The following RCAN2 variants were observed in gnomAD, a reference collection of about 807,000 sequenced individuals.
The protein encoded by RCAN2 is calcipressin-2.
RCAN2 carries 9 observed loss-of-function variants against 23.6 expected under a neutral mutation model. That is an observed-to-expected ratio of 0.38 (90% CI 0.23 to 0.67). The LOEUF is 0.67. Ranked by LOEUF, RCAN2 falls within the 30% of genes least tolerant of loss-of-function variation. RCAN2 has a pLI of 0.51. For synonymous variants in RCAN2, 109 were observed against 115.7 expected (o/e 0.94, Z 0.37); for missense variants, 273 against 302.3 (o/e 0.90, Z 0.72).
intron 4 of RCAN2, among the ~76,000 whole-genome samples, chr6:46,231,367 G>A (rs1016866525): frequency 4.0e-5 from 6 of 151,864 alleles, no homozygotes; most frequent in African/African-American, 9.7e-5. Flanking sequence ...CTTCCAGAAC[G>A]GTGAGTCTAT....
chr6:46,314,966 T>C (rs939225436), intron 2 of RCAN2, among the ~76,000 whole-genome samples: 2 of 152,144 alleles, frequency 1.3e-5, no homozygotes, highest in Admixed American at 6.5e-5. Context: ...GAGGCTGAGA[T>C]GGAAGCATCA....
intron 2 of RCAN2, among the ~76,000 whole-genome samples, chr6:46,309,544 G>T (rs1205385240): frequency 6.6e-6 from 1 of 152,118 alleles, no homozygotes; most frequent in African/African-American, 2.4e-5. Context: ...TTCTCCTGTG[G>T]TTCATACAAT....
intron 2 of RCAN2, among the ~76,000 whole-genome samples, chr6:46,290,590 T>C (rs1221618997): frequency 1.3e-5 from 2 of 152,144 alleles, no homozygotes; most frequent in Non-Finnish European, 2.9e-5. Context: ...ATCTTAAATA[T>C]CAGTAAATCA....
chr6:46,293,222 T>A (rs1015419616), intron 2 of RCAN2, among the ~76,000 whole-genome samples: 5 of 152,204 alleles, frequency 3.3e-5, no homozygotes, highest in Admixed American at 3.3e-4. Flanking sequence ...TGATTTATAA[T>A]CCTTTGGATA....
intron 2 of RCAN2, among the ~76,000 whole-genome samples, chr6:46,351,018 G>A (rs1486752376): frequency 1.3e-5 from 2 of 152,144 alleles, no homozygotes; most frequent in South Asian, 4.1e-4. Context: ...GGGTTGTTGG[G>A]AGGCTTAACA....
intron 2 of RCAN2, among the ~76,000 whole-genome samples, chr6:46,316,805 T>C (rs1763454681): frequency 6.6e-6 from 1 of 152,194 alleles, no homozygotes; most frequent in Non-Finnish European, 1.5e-5. Context: ...TCTTAGTCAA[T>C]ACCCAAAGGC....
intron 2 of RCAN2, among the ~76,000 whole-genome samples, chr6:46,266,777 C>T (rs988638267): frequency 2.6e-5 from 4 of 152,124 alleles, no homozygotes; most frequent in African/African-American, 9.7e-5. Context: ...TTGGAAGGGA[C>T]ACTGGAGGCG....
intron 2 of RCAN2, among the ~76,000 whole-genome samples, chr6:46,263,543 G>GTT (rs757928904): frequency 8.1e-6 from 1 of 124,010 alleles, no homozygotes; most frequent in Non-Finnish European, 1.8e-5. Context: ...GTGTGTATGT[G>GTT]TGTGTGTGTG....
At chr6:46,348,547 G>A (rs572302015) in intron 2 of RCAN2, among the ~76,000 whole-genome samples, 1 of 152,208 alleles carries the variant, frequency 6.6e-6, no homozygotes, top group East Asian at 1.9e-4. Flanking sequence ...CCTTGGTGCT[G>A]GAGCCCTGAT....
chr6:46,417,559 A>G (rs898790702), intron 2 of RCAN2, among the ~76,000 whole-genome samples: 1 of 152,182 alleles, frequency 6.6e-6, no homozygotes, highest in Non-Finnish European at 1.5e-5. Context: ...AACTGCAGGG[A>G]AAGAATCCCT....
Position 46,223,231 on chromosome 6 carries a change from G to T in RCAN2, c.642C>A (p.Asp214Glu). The T allele has an allele frequency of 6.2e-7, 1 of 1,613,998 alleles. No homozygotes were observed. The highest frequency in any genetic ancestry group is 8.5e-7 in the Non-Finnish European group (1 of 1,179,936). Reference protein sequence around the residue: ...PSVVVHVCDSDIEEEEDPKTS... With the variant: ...PSVVVHVCDSEIEEEEDPKTS... ...TCTTTGGGTCCTCTTCTTCCTCTATGTCACTGTCGCACACGTGCACGACGA... is the reference window on the plus strand; with the variant it reads ...TCTTTGGGTCCTCTTCTTCCTCTATTTCACTGTCGCACACGTGCACGACGA... Residue 214 changes from aspartate to glutamate, a missense_variant, in exon 5 of 5, where the codon GAC becomes GAA. Transcript: ENST00000371374.
intron 2 of RCAN2, among the ~76,000 whole-genome samples, chr6:46,390,290 C>T (rs1289131711): frequency 6.6e-6 from 1 of 152,114 alleles, no homozygotes; most frequent in African/African-American, 2.4e-5. Context: ...TCCAAGTTCC[C>T]CCTGACAACT....
chr6:46,386,321 G>A (rs193244206), intron 2 of RCAN2, among the ~76,000 whole-genome samples: 20 of 152,072 alleles, frequency 1.3e-4, no homozygotes, highest in Middle Eastern at 3.4e-3. Flanking sequence ...CAAGGAGGCC[G>A]GGTGCGGTGG....
At chr6:46,465,163 T>A (rs552856834) in intron 1 of RCAN2, among the ~76,000 whole-genome samples, 1 of 152,286 alleles carries the variant, frequency 6.6e-6, no homozygotes, top group South Asian at 2.1e-4. Flanking sequence ...ACAGGTTTGC[T>A]GCAAAAGAAC....
At chr6:46,422,044 C>G (rs1163573686) in intron 2 of RCAN2, among the ~76,000 whole-genome samples, 1 of 152,182 alleles carries the variant, frequency 6.6e-6, no homozygotes, top group Non-Finnish European at 1.5e-5. Flanking sequence ...GTTTGTTTGA[C>G]TCTTCCAAAT....
At chr6:46,269,511 C>T (rs1489539797) in intron 2 of RCAN2, among the ~76,000 whole-genome samples, 1 of 152,192 alleles carries the variant, frequency 6.6e-6, no homozygotes, top group East Asian at 1.9e-4. Flanking sequence ...CTCTAGGTCA[C>T]CTGTGCTCTT....
chr6:46,248,590 T>G, intron 3 of RCAN2, 133 bp downstream of exon 3: 1 of 693,672 alleles, frequency 1.4e-6, no homozygotes, highest in Non-Finnish European at 2.3e-6. Context: ...AATCATGATG[T>G]GGGTCTATTT....
intron 2 of RCAN2, among the ~76,000 whole-genome samples, chr6:46,370,274 G>A (rs1031690957): frequency 2.0e-5 from 3 of 152,086 alleles, no homozygotes; most frequent in East Asian, 1.9e-4. Flanking sequence ...TAACACCCAC[G>A]TGCATCATTC....
intron 2 of RCAN2, among the ~76,000 whole-genome samples, chr6:46,370,670 C>T (rs990234075): frequency 6.6e-6 from 1 of 152,244 alleles, no homozygotes; most frequent in Non-Finnish European, 1.5e-5. Context: ...AATGCACTGA[C>T]ACTCTACTCT....
Sources: gnomAD v4.1 joint callset for allele counts (sites outside exome capture counted in the v4.1 genomes callset) on GRCh38, gnomAD v4.1.1 for gene constraint, MANE v1.5 for transcripts, NCBI Gene and HGNC (gene_info 2026-07-23, HGNC 2026-07-21) for gene names.